Variants in TNPO3 observed in about 807,000 individuals in gnomAD.
TNPO3 encodes transportin-3.
TNPO3 carries 65 observed loss-of-function variants against 122.8 expected under a neutral mutation model. That is an observed-to-expected ratio of 0.53 (90% CI 0.43 to 0.65). TNPO3 has a LOEUF of 0.65. Ranked by LOEUF, TNPO3 falls within the 30% of genes least tolerant of loss-of-function variation. The pLI is 0.00. For missense variants in TNPO3, 850 were observed against 1,136.7 expected, an observed-to-expected ratio of 0.75 and a Z score of 3.63; for synonymous variants, 372 against 411.2, an observed-to-expected ratio of 0.90 and a Z score of 1.15.
At chr7:129,023,478 T>C (rs1246286965) in intron 1 of TNPO3, among the ~76,000 whole-genome samples, 2 of 152,134 alleles carry the variant, frequency 1.3e-5, no homozygotes, top group African/African-American at 4.8e-5. Flanking sequence ...TACATTGTAG[T>C]CTTTAAATTC....
intron 4 of TNPO3, among the ~76,000 whole-genome samples, chr7:129,008,599 G>A (rs542613055): frequency 2.0e-5 from 3 of 152,176 alleles, no homozygotes; most frequent in East Asian, 1.9e-4. Context: ...TATGTAATAC[G>A]TAAACTAATA....
intron 1 of TNPO3, among the ~76,000 whole-genome samples, chr7:129,019,386 G>A (rs1342162213): frequency 6.6e-6 from 1 of 152,130 alleles, no homozygotes; most frequent in Non-Finnish European, 1.5e-5. Context: ...TGAAGACAGA[G>A]CTCTTCACAA....
intron 8 of TNPO3, among the ~76,000 whole-genome samples, chr7:128,997,079 A>G (rs1801415514): frequency 6.6e-6 from 1 of 152,130 alleles, no homozygotes; most frequent in African/African-American, 2.4e-5. Flanking sequence ...TCTTCAGTAT[A>G]AGCTGTAGAG....
intron 1 of TNPO3, among the ~76,000 whole-genome samples, chr7:129,022,049 C>CATT (rs1584578202): frequency 6.6e-6 from 1 of 151,832 alleles, no homozygotes; most frequent in East Asian, 1.9e-4. Context: ...AGAAGAAAAT[C>CATT]AAAACAAGGA....
chr7:129,018,993 A>C (rs188685891), intron 1 of TNPO3, among the ~76,000 whole-genome samples: 36 of 152,372 alleles, frequency 2.4e-4, no homozygotes, highest in African/African-American at 8.7e-4. Context: ...TGCTGGGATT[A>C]CAGGCATGAG....
At position 128,984,207 on chromosome 7, in the gene TNPO3, A is replaced by G. The variant is rs1275334710; in HGVS notation, c.1743T>C (p.Leu581=). The stretch of plus-strand genomic sequence containing the variant: ...TAACCTGAACAGAACATAGTTCACT[A>G]AGACATTCGGTAATCTTATCCAAAG... ...RLPLDKITEC[L]SELCSVQVMA... is the part of the protein sequence containing the mutation. Residue 581 remains leucine, a synonymous_variant, in exon 13 of 23, where the codon CTT becomes CTC. Coordinates refer to ENST00000265388, the MANE Select transcript of TNPO3 (RefSeq NM_012470.4). 1 of 1,613,174 alleles carries G rather than the reference A, an allele frequency of 6.2e-7. No homozygotes were observed. Among genetic ancestry groups the G allele is most frequent in the Admixed American group, 1.7e-5 (1 of 59,904 alleles).
Position 128,957,290 on chromosome 7 carries a change from A to G in TNPO3, c.2737T>C (p.Trp913Arg). 1 of 1,614,166 alleles carries G rather than the reference A, an allele frequency of 6.2e-7. No individual in the cohort carries two copies. Among genetic ancestry groups the G allele is most frequent in the Non-Finnish European group, 8.5e-7 (1 of 1,179,990 alleles). ...TSAEECKQVC[W>R]ALRDFTRLFR ...AACCTGGTGAAGTCTCGCAAGGCCCAGCAAACTTGTTTACATTCCTCAGCA... is the reference window on the plus strand; with the variant it reads ...AACCTGGTGAAGTCTCGCAAGGCCCGGCAAACTTGTTTACATTCCTCAGCA... The change falls in exon 22 of 23, where the codon TGG (tryptophan) becomes CGG (arginine). Residue 913 changes from tryptophan to arginine, a missense_variant. By Grantham distance (101) the Trp-to-Arg change is moderately radical. Transcript: ENST00000265388.
chr7:128,962,729 C>T (rs1397067708), intron 21 of TNPO3, among the ~76,000 whole-genome samples: 1 of 152,158 alleles, frequency 6.6e-6, no homozygotes, highest in Non-Finnish European at 1.5e-5. Flanking sequence ...GGAAGAGCTG[C>T]AAAACTTGTT....
chr7:128,995,950 C>G (rs891319497), intron 8 of TNPO3, among the ~76,000 whole-genome samples: 40 of 152,282 alleles, frequency 2.6e-4, no homozygotes, highest in African/African-American at 9.1e-4. Flanking sequence ...CCACCCGCCT[C>G]GGCCTCCCAA....
intron 19 of TNPO3, 91 bp from the exon 20 acceptor site, chr7:128,970,406 A>G (rs1186334112): frequency 3.8e-6 from 5 of 1,313,666 alleles, no homozygotes; most frequent in South Asian, 1.4e-5. Flanking sequence ...TTTCTCTTTA[A>G]TAGGAAAGTG....
At chr7:129,011,808 T>C (rs1290610477) in intron 4 of TNPO3, among the ~76,000 whole-genome samples, 1 of 152,178 alleles carries the variant, frequency 6.6e-6, no homozygotes, top group Non-Finnish European at 1.5e-5. Context: ...TCTGTATATA[T>C]ATCCATAAAT....
chr7:129,023,754 C>T (rs147230534), intron 1 of TNPO3, among the ~76,000 whole-genome samples: 3 of 152,114 alleles, frequency 2.0e-5, no homozygotes, highest in East Asian at 3.8e-4. Flanking sequence ...GTAAAAATCA[C>T]GTATTTATCT....
intron 4 of TNPO3, among the ~76,000 whole-genome samples, chr7:129,010,850 A>C (rs1367782915): frequency 6.6e-6 from 1 of 152,138 alleles, no homozygotes; most frequent in Admixed American, 6.6e-5. Context: ...TCACGTTTGT[A>C]ATCTCATCAT....
chr7:129,029,578 G>A (rs1329825382), intron 1 of TNPO3: 1 of 152,234 alleles, frequency 6.6e-6, no homozygotes, highest in Non-Finnish European at 1.5e-5. Context: ...TCCTGGATCT[G>A]AGGACGTGAG....
intron 11 of TNPO3, among the ~76,000 whole-genome samples, chr7:128,988,468 G>A (rs961369742): frequency 2.0e-5 from 3 of 152,132 alleles, no homozygotes; most frequent in African/African-American, 7.2e-5. Flanking sequence ...CTCTAATAAT[G>A]TAGACTTCTG....
intron 5 of TNPO3, among the ~76,000 whole-genome samples, chr7:129,003,188 A>C (rs1360331201): frequency 6.6e-6 from 1 of 150,694 alleles, no homozygotes; most frequent in African/African-American, 2.4e-5. Flanking sequence ...GTGCCACTGC[A>C]CTCCAGCCTG....
intron 1 of TNPO3, chr7:129,041,491 G>T: frequency 1.1e-6 from 1 of 946,464 alleles, no homozygotes; most frequent in Non-Finnish European, 1.3e-6. Flanking sequence ...GCAGAAAAAA[G>T]GAAGGGAAGG....
chr7:129,019,804 G>A (rs1804257022), intron 1 of TNPO3, among the ~76,000 whole-genome samples: 1 of 152,060 alleles, frequency 6.6e-6, no homozygotes, highest in Non-Finnish European at 1.5e-5. Context: ...GACCAGCCTG[G>A]CCAACATGGT....
intron 10 of TNPO3, among the ~76,000 whole-genome samples, chr7:128,990,807 G>A (rs1171266102): frequency 1.3e-5 from 2 of 152,146 alleles, no homozygotes; most frequent in African/African-American, 4.8e-5. Flanking sequence ...GAGTAGAGTG[G>A]AGGATACCCC....
Sources: allele counts gnomAD v4.1 joint callset (sites outside exome capture counted in the v4.1 genomes callset), GRCh38; gene constraint gnomAD v4.1.1; transcripts MANE v1.5; gene names NCBI Gene and HGNC (gene_info 2026-07-23, HGNC 2026-07-21).